Variants in SYN3 observed in about 807,000 individuals in gnomAD.
The protein encoded by SYN3 is synapsin III, also known as synapsin-3.
In SYN3, 35 loss-of-function variants were observed where a neutral mutation model predicts 65.8. The ratio of observed to expected loss-of-function variants is 0.53; its 90% confidence interval spans 0.41 to 0.70. The LOEUF (loss-of-function observed/expected upper bound fraction) is 0.70, where lower values mean the gene tolerates loss of function less well. Ranked by LOEUF, SYN3 falls within the 30% of genes least tolerant of loss-of-function variation. SYN3 has a pLI of 0.00. For synonymous variants in SYN3, 270 were observed against 292.9 expected, an observed-to-expected ratio of 0.92 and a Z score of 0.80; for missense variants, 680 against 749.0, an observed-to-expected ratio of 0.91 and a Z score of 1.08.
chr22:32,547,261 AG>A (rs2058349405), intron 7 of SYN3, among the ~76,000 whole-genome samples: 1 of 152,084 alleles, frequency 6.6e-6, no homozygotes, highest in African/African-American at 2.4e-5. Context: ...CTGGGATTAC[AG>A]GCATGAGTCA....
chr22:32,860,849 G>C (rs2048514772), intron 6 of SYN3: 1 of 151,496 alleles, frequency 6.6e-6, no homozygotes, highest in Non-Finnish European at 1.5e-5. Flanking sequence ...TCACCTCTTG[G>C]AATTAAAATT....
Position 32,857,383 on chromosome 22 carries a change from A to G in SYN3, c.711+7532T>C, listed in dbSNP as rs367999712. ...CAGGTAATGGCCAACTCTAGCTTCT[A>G]GGCCAGGGTTTGGCCAAGGTCCACT... On this transcript the variant is annotated intron_variant, in intron 6 of 13. Coordinates refer to ENST00000358763, the MANE Select transcript of SYN3 (RefSeq NM_003490.4). 3.8e-6 allele frequency: 6 copies of G among 1,589,078 alleles called. No individual in the cohort carries two copies. In the African/African-American group the frequency reaches 8.1e-5, roughly 21 times the overall value.
intron 4 of SYN3, among the ~76,000 whole-genome samples, chr22:32,915,215 T>C (rs2050156807): frequency 6.6e-6 from 1 of 152,168 alleles, no homozygotes; most frequent in Non-Finnish European, 1.5e-5. Context: ...GGCACATGTA[T>C]ACCTATGTAA....
At chr22:33,026,639 C>T (rs2053645238) in intron 1 of SYN3, among the ~76,000 whole-genome samples, 1 of 152,204 alleles carries the variant, frequency 6.6e-6, no homozygotes, top group African/African-American at 2.4e-5. Flanking sequence ...GTCCCAGTGT[C>T]TAGGCTCTGC....
chr22:33,005,831 G>A (rs2053181195), intron 2 of SYN3, among the ~76,000 whole-genome samples: 1 of 152,154 alleles, frequency 6.6e-6, no homozygotes, highest in Non-Finnish European at 1.5e-5. Flanking sequence ...GGTGGCTGAG[G>A]CTGACAGGTT....
chr22:32,974,305 T>G (rs2052113656), intron 3 of SYN3, among the ~76,000 whole-genome samples: 1 of 152,198 alleles, frequency 6.6e-6, no homozygotes. Context: ...AGACACTTAC[T>G]CTCTGTGAGT....
At chr22:32,629,054 C>T (rs1451269052) in intron 6 of SYN3, among the ~76,000 whole-genome samples, 12 of 152,230 alleles carry the variant, frequency 7.9e-5, no homozygotes, top group African/African-American at 2.6e-4. Flanking sequence ...TTTATGAGCT[C>T]GGAGCCTGAG....
In SYN3 at chr22:33,020,869, A is replaced by T. The variant is rs1214552058; in HGVS notation, c.-162-14045T>A. ...CAATTTTGCTATCTACCACCTACAA[A>T]GCCTCGAGAAAATTACTTAGCCTCT... On this transcript the variant is annotated intron_variant, in intron 1 of 13. Transcript: ENST00000358763. Among the ~76,000 whole-genome samples, 3 of 152,102 alleles carry T rather than the reference A, an allele frequency of 2.0e-5. No homozygotes were observed. The East Asian group carries it at 5.8e-4, about 29-fold the overall frequency.
At position 32,638,077 on chromosome 22, in the gene SYN3, A is replaced by C. The variant is rs568753120; in HGVS notation, c.712-41341T>G. ...AGTGAGAACATGCATTGTTTGGTTT[A>C]CTGTTCTGCATTAACTTCCTTGGGA... On this transcript the variant is annotated intron_variant, in intron 6 of 13. Transcript: ENST00000358763. Among the ~76,000 whole-genome samples, 14 of 152,226 alleles carry C rather than the reference A, an allele frequency of 9.2e-5. No individual in the cohort carries two copies. In the South Asian group the frequency reaches 2.7e-3, roughly 29 times the overall value.
intron 6 of SYN3, among the ~76,000 whole-genome samples, chr22:32,734,864 A>G (rs146401401): frequency 2.6e-4 from 39 of 152,210 alleles, no homozygotes; most frequent in Middle Eastern, 3.4e-3. Context: ...ACTCTCCCCA[A>G]TTCAATGTTG....
chr22:32,717,103 T>C (rs2061049743), intron 6 of SYN3, among the ~76,000 whole-genome samples: 1 of 152,198 alleles, frequency 6.6e-6, no homozygotes, highest in Non-Finnish European at 1.5e-5. Context: ...AGTCCTGTTA[T>C]AACCCTGCAA....
chr22:32,949,200 G>A (rs2051209625), intron 3 of SYN3, among the ~76,000 whole-genome samples: 1 of 152,044 alleles, frequency 6.6e-6, no homozygotes, highest in Non-Finnish European at 1.5e-5. Context: ...ATCACTTGAA[G>A]CCAGGAGTTT....
chr22:32,949,869 A>G (rs975939591), intron 3 of SYN3, among the ~76,000 whole-genome samples: 2 of 152,194 alleles, frequency 1.3e-5, no homozygotes, highest in African/African-American at 2.4e-5. Context: ...TGGAATGTAC[A>G]CAAGAAACCA....
chr22:32,954,881 T>C (rs2051400203), intron 3 of SYN3, among the ~76,000 whole-genome samples: 1 of 151,496 alleles, frequency 6.6e-6, no homozygotes, highest in Non-Finnish European at 1.5e-5. Context: ...AAAGTTATAA[T>C]GTGATGAGAG....
chr22:32,852,368 G>C (rs1284350960), intron 6 of SYN3, among the ~76,000 whole-genome samples: 2 of 152,182 alleles, frequency 1.3e-5, no homozygotes, highest in Admixed American at 6.5e-5. Context: ...GTCAGTTTGG[G>C]TTTGTTGGTT....
chr22:32,809,779 T>C (rs2046863902), intron 6 of SYN3, among the ~76,000 whole-genome samples: 1 of 152,252 alleles, frequency 6.6e-6, no homozygotes, highest in Non-Finnish European at 1.5e-5. Flanking sequence ...TCCTGGGTGA[T>C]TGCATTGTCG....
intron 6 of SYN3, among the ~76,000 whole-genome samples, chr22:32,628,887 G>C (rs2059707810): frequency 6.6e-6 from 1 of 152,192 alleles, no homozygotes; most frequent in African/African-American, 2.4e-5. Flanking sequence ...GAAAAGTGGG[G>C]GCCTTTTCTC....
At chr22:32,993,859 G>A (rs1240560343) in intron 2 of SYN3, among the ~76,000 whole-genome samples, 1 of 152,092 alleles carries the variant, frequency 6.6e-6, no homozygotes, top group African/African-American at 2.4e-5. Flanking sequence ...CTTTAGAAAG[G>A]CAGCCAAGAA....
chr22:32,781,042 CCCCTCCCT>C (rs1157072414), intron 6 of SYN3, among the ~76,000 whole-genome samples: 1 of 90,612 alleles, frequency 1.1e-5, no homozygotes, highest in Non-Finnish European at 2.3e-5. Context: ...TTCTTTCTTT[CCCCTCCCT>C]CCCTCCCTCC....
Sources: gnomAD v4.1 joint callset for allele counts (sites outside exome capture counted in the v4.1 genomes callset) on GRCh38, gnomAD v4.1.1 for gene constraint, MANE v1.5 for transcripts, NCBI Gene and HGNC (gene_info 2026-07-23, HGNC 2026-07-21) for gene names.